LUZP2: variants seen among roughly 807,000 people sequenced by gnomAD.
LUZP2 encodes leucine zipper protein 2.
Under a neutral mutation model 51.6 loss-of-function variants are expected in LUZP2, and 52 were observed. The observed-to-expected ratio is 1.01, with a 90% CI of 0.81 to 1.27. LUZP2 has a LOEUF of 1.27. LUZP2 is among the 50% of genes most tolerant of loss of function. The pLI is 0.00. For missense variants in LUZP2, 436 were observed against 395.4 expected, an observed-to-expected ratio of 1.10 and a Z score of -0.87; for synonymous variants, 154 against 137.3, an observed-to-expected ratio of 1.12 and a Z score of -0.85.
At chr11:24,681,967 C>T (rs977894670) in intron 1 of LUZP2, among the ~76,000 whole-genome samples, 2 of 152,116 alleles carry the variant, frequency 1.3e-5, no homozygotes, top group African/African-American at 2.4e-5. Flanking sequence ...TGTGGGTTTT[C>T]TTTAGCCAGA....
chr11:24,898,179 CG>C (rs1011666517), intron 5 of LUZP2, among the ~76,000 whole-genome samples: 26 of 151,434 alleles, frequency 1.7e-4, no homozygotes, highest in Admixed American at 1.1e-3. Flanking sequence ...TGAAGAGAAA[CG>C]TAAGAACTTA....
Position 24,743,289 on chromosome 11 carries a change from G to A in LUZP2, c.333+4987G>A, listed in dbSNP as rs147150729. On this transcript the variant is annotated intron_variant, in intron 4 of 11. Transcript: ENST00000336930. ...ATAGATTGCTTTGGGCAGTATGGCC[G>A]TTTTCACAATATTGATTCTACCCAT... 1.4e-3 allele frequency among the ~76,000 whole-genome samples: 206 copies of A among 151,956 alleles called. 6 individuals carry two copies. The East Asian group carries it at 0.015, about 11-fold the overall frequency.
intron 1 of LUZP2, among the ~76,000 whole-genome samples, chr11:24,718,112 A>C (rs1256450106): frequency 2.0e-5 from 3 of 152,236 alleles, no homozygotes. Context: ...GAGAGAAAGG[A>C]AACAGGACTA....
chr11:24,996,268 A>T (rs945353884), intron 9 of LUZP2, among the ~76,000 whole-genome samples: 9 of 151,518 alleles, frequency 5.9e-5, no homozygotes, highest in Non-Finnish European at 1.2e-4. Context: ...TTAAATAAAT[A>T]ATACGTTTCT....
intron 1 of LUZP2, among the ~76,000 whole-genome samples, chr11:24,693,623 GCACTT>G (rs1299465806): frequency 1.3e-4 from 20 of 151,876 alleles, no homozygotes; most frequent in African/African-American, 4.6e-4. Context: ...AAGAAACTAT[GCACTT>G]CATTTATTAA....
rs1215786412 is a variant in LUZP2 at position 24,826,190 on chromosome 11, A to AAAAAAAAATATAT, written c.396+62883_396+62884insAAAAAAATATATA. Among the ~76,000 whole-genome samples, 14 of 67,548 alleles carry AAAAAAAAATATAT rather than the reference A, an allele frequency of 2.1e-4. 1 individual carries two copies. Among genetic ancestry groups the AAAAAAAAATATAT allele is most frequent in the East Asian group, 5.6e-4 (1 of 1,774 alleles). 44.3% of individuals were successfully genotyped at this position (67,548 alleles called of 152,430 possible). A position where few individuals can be genotyped will look rare whatever the true frequency, so the allele number is the denominator to read the frequency against. On this transcript the variant is annotated intron_variant, in intron 5 of 11. Coordinates refer to ENST00000336930, the MANE Select transcript of LUZP2 (RefSeq NM_001009909.4). ...GACTCCATCTCAAAAAAAAAAAAAA[A>AAAAAAAAATATAT]ATATATATATATATATATAGTAAAA...
chr11:25,024,793 T>G (rs1857436720), intron 9 of LUZP2, among the ~76,000 whole-genome samples: 1 of 149,414 alleles, frequency 6.7e-6, no homozygotes, highest in East Asian at 2.0e-4. Context: ...TGGAAAAAAC[T>G]ACTTTAAAGT....
At chr11:24,616,755 C>A (rs1218893722) in intron 1 of LUZP2, among the ~76,000 whole-genome samples, 2 of 152,084 alleles carry the variant, frequency 1.3e-5, no homozygotes, top group Non-Finnish European at 2.9e-5. Context: ...TGACCTTATT[C>A]TTCTTTTCAA....
At chr11:24,918,648 A>C (rs1853883700) in intron 7 of LUZP2, among the ~76,000 whole-genome samples, 1 of 151,430 alleles carries the variant, frequency 6.6e-6, no homozygotes, top group African/African-American at 2.4e-5. Context: ...TAAAAAAAAA[A>C]TCCTAAATAT....
chr11:25,043,550 A>G (rs10834589), intron 9 of LUZP2, among the ~76,000 whole-genome samples: 145,398 of 151,662 alleles, frequency 0.96, 69,980 homozygotes, highest in East Asian at 1. Context: ...AAAAAAAAGA[A>G]GCTCTGCAAG....
chr11:24,798,642 A>C (rs2134110714), intron 5 of LUZP2, among the ~76,000 whole-genome samples: 1 of 152,276 alleles, frequency 6.6e-6, no homozygotes, highest in African/African-American at 2.4e-5. Flanking sequence ...AGAGTGCAGA[A>C]TTATCTGTGC....
chr11:24,610,663 G>A (rs541746422), intron 1 of LUZP2, among the ~76,000 whole-genome samples: 1 of 152,012 alleles, frequency 6.6e-6, no homozygotes, highest in Non-Finnish European at 1.5e-5. Flanking sequence ...AAGAATTCAC[G>A]GGCATGCCAC....
At position 24,763,282 on chromosome 11, in the gene LUZP2, A is replaced by C; in HGVS notation, c.370A>C (p.Lys124Gln). 1 of 1,392,660 alleles carries C rather than the reference A, an allele frequency of 7.2e-7. No homozygotes were observed. Among genetic ancestry groups the C allele is most frequent in the Non-Finnish European group, 9.5e-7 (1 of 1,052,798 alleles). 86.3% of individuals were successfully genotyped at this position (1,392,660 alleles called of 1,614,324 possible). Residue 124 changes from lysine (K) to glutamine (Q), a missense_variant, in exon 5 of 12, where the codon AAA (lysine) becomes CAA (glutamine). By Grantham distance (53) the Lys-to-Gln change is moderately conservative (BLOSUM62 1). Coordinates refer to ENST00000336930, the MANE Select transcript of LUZP2 (RefSeq NM_001009909.4). ...AAAGACTGAAGTTGAAAGAAAGAGC[A>C]AAATGATCCGAGACCTCCAGAATGA... is the stretch of plus-strand genomic sequence containing the variant. Reference protein sequence around the residue: ...FLKTEVERKSKMIRDLQNENK... With the variant: ...FLKTEVERKSQMIRDLQNENK...
intron 1 of LUZP2, among the ~76,000 whole-genome samples, chr11:24,521,105 C>A (rs896025683): frequency 6.6e-6 from 1 of 152,124 alleles, no homozygotes. Context: ...AATCCCAGCA[C>A]TTTGGGAGGC....
chr11:24,882,174 C>G (rs1852490365), intron 5 of LUZP2, among the ~76,000 whole-genome samples: 1 of 151,932 alleles, frequency 6.6e-6, no homozygotes, highest in African/African-American at 2.4e-5. Flanking sequence ...GAATACATAT[C>G]TTACATGAGA....
intron 4 of LUZP2, among the ~76,000 whole-genome samples, chr11:24,741,946 C>G (rs11028132): frequency 1.1e-5 from 1 of 94,184 alleles, no homozygotes; most frequent in African/African-American, 3.3e-5. Context: ...TAAATATATA[C>G]ATTTATATAT....
At chr11:24,795,519 C>T (rs1429029175) in intron 5 of LUZP2, among the ~76,000 whole-genome samples, 2 of 152,054 alleles carry the variant, frequency 1.3e-5, no homozygotes, top group African/African-American at 4.8e-5. Flanking sequence ...AATATCCATG[C>T]AGAAATTAAG....
intron 1 of LUZP2, among the ~76,000 whole-genome samples, chr11:24,594,493 T>G (rs1046242656): frequency 1.3e-5 from 2 of 152,188 alleles, no homozygotes. Context: ...CAGGGATCGA[T>G]ACTTTGATGA....
intron 7 of LUZP2, among the ~76,000 whole-genome samples, chr11:24,968,713 C>G (rs534821794): frequency 1.2e-4 from 19 of 152,192 alleles, no homozygotes; most frequent in Non-Finnish European, 2.6e-4. Context: ...TCTCTGATGC[C>G]CTGTCCCGCA....
Sources: allele counts gnomAD v4.1 joint callset (sites outside exome capture counted in the v4.1 genomes callset), GRCh38; gene constraint gnomAD v4.1.1; transcripts MANE v1.5; gene names NCBI Gene and HGNC (gene_info 2026-07-23, HGNC 2026-07-21).